RIT2: variants seen among roughly 807,000 people sequenced by gnomAD.
The protein encoded by RIT2 is Ras like without CAAX 2.
Under a neutral mutation model 23.7 loss-of-function variants are expected in RIT2, and 24 were observed. The ratio of observed to expected loss-of-function variants is 1.01; its 90% confidence interval spans 0.73 to 1.43. RIT2 has a LOEUF of 1.43. RIT2 is among the 40% of genes most tolerant of loss of function. RIT2 has a pLI of 0.00. For missense variants in RIT2, 236 were observed against 266.9 expected (o/e 0.88, Z 0.81); for synonymous variants, 107 against 91.1 (o/e 1.17, Z -0.99).
chr18:42,941,349 GC>G (rs1290402761), intron 3 of RIT2, among the ~76,000 whole-genome samples: 1 of 151,820 alleles, frequency 6.6e-6, no homozygotes, highest in Non-Finnish European at 1.5e-5. Flanking sequence ...CCTGCTGACC[GC>G]CCCCCACCCC....
intron 4 of RIT2, among the ~76,000 whole-genome samples, chr18:42,805,553 T>C (rs1008451243): frequency 1.1e-4 from 17 of 152,230 alleles, no homozygotes; most frequent in African/African-American, 2.7e-4. Flanking sequence ...AATTTATTTT[T>C]CTAGATTGCA....
intron 1 of RIT2, among the ~76,000 whole-genome samples, chr18:43,065,779 G>C (rs1912758199): frequency 6.6e-6 from 1 of 152,054 alleles, no homozygotes; most frequent in Non-Finnish European, 1.5e-5. Flanking sequence ...AGGTTTTATA[G>C]AGAATATAAC....
In RIT2 at chr18:42,795,621, G is replaced by C. The variant is rs529283443; in HGVS notation, c.427-51901C>G. ...CCTAAGGGCTGAGAACTGCGGGCGC[G>C]GCACGGGACTGGCAGGCAGCTCCAC... On this transcript the variant is annotated intron_variant, in intron 4 of 4. Transcript: ENST00000326695. Among the ~76,000 whole-genome samples the C allele has an allele frequency of 2.7e-3, 417 of 152,354 alleles. 5 individuals are homozygous for C. The highest frequency in any genetic ancestry group is 9.6e-3 in the African/African-American group (400 of 41,594).
intron 4 of RIT2, among the ~76,000 whole-genome samples, chr18:42,808,313 G>T (rs1029297474): frequency 6.6e-6 from 1 of 152,106 alleles, no homozygotes; most frequent in Non-Finnish European, 1.5e-5. Flanking sequence ...ACATCAAGAG[G>T]ATCTGGAAAA....
intron 4 of RIT2, among the ~76,000 whole-genome samples, chr18:42,859,272 G>A (rs1027058124): frequency 1.3e-5 from 2 of 152,044 alleles, no homozygotes; most frequent in African/African-American, 2.4e-5. Flanking sequence ...GATGTCTCGT[G>A]GTTTTGATTT....
chr18:43,084,752 G>A (rs1391211824), intron 1 of RIT2, among the ~76,000 whole-genome samples: 1 of 152,202 alleles, frequency 6.6e-6, no homozygotes, highest in Non-Finnish European at 1.5e-5. Context: ...ACTAGGGGAG[G>A]GATAGCATTA....
chr18:43,059,232 T>A (rs1912583868), intron 1 of RIT2, among the ~76,000 whole-genome samples: 1 of 152,128 alleles, frequency 6.6e-6, no homozygotes, highest in African/African-American at 2.4e-5. Flanking sequence ...ACCTCGTTTA[T>A]CCCCAAAATG....
At chr18:43,048,965 C>T (rs561924092) in intron 1 of RIT2, among the ~76,000 whole-genome samples, 1 of 152,260 alleles carries the variant, frequency 6.6e-6, no homozygotes, top group Admixed American at 6.5e-5. Context: ...ATTGTTTCAA[C>T]CACATGTTAG....
At chr18:42,861,542 C>T (rs989266510) in intron 4 of RIT2, among the ~76,000 whole-genome samples, 11 of 152,302 alleles carry the variant, frequency 7.2e-5, no homozygotes, top group African/African-American at 2.6e-4. Flanking sequence ...CTCTATGCCC[C>T]ATGGGAGGCA....
At chr18:43,068,186 A>C (rs950802842) in intron 1 of RIT2, among the ~76,000 whole-genome samples, 1 of 152,194 alleles carries the variant, frequency 6.6e-6, no homozygotes, top group Non-Finnish European at 1.5e-5. Context: ...GATTCTCTCC[A>C]AAGTTCTTTA....
intron 4 of RIT2, among the ~76,000 whole-genome samples, chr18:42,912,231 GAA>G (rs35260729): frequency 6.9e-6 from 1 of 145,216 alleles, no homozygotes. Flanking sequence ...ACCCATTCAT[GAA>G]AAAAAAAAAT....
intron 3 of RIT2, among the ~76,000 whole-genome samples, chr18:42,967,799 A>T (rs947933286): frequency 2.0e-5 from 3 of 151,260 alleles, no homozygotes; most frequent in Admixed American, 2.0e-4. Flanking sequence ...TATTATTATT[A>T]TACCTAGCTG....
intron 4 of RIT2, among the ~76,000 whole-genome samples, chr18:42,760,611 A>G (rs541196377): frequency 3.3e-4 from 50 of 152,338 alleles, no homozygotes; most frequent in African/African-American, 9.6e-4. Context: ...GCTGAAATCA[A>G]ACGGCCTGGG....
intron 4 of RIT2, among the ~76,000 whole-genome samples, chr18:42,773,489 T>G (rs542584101): frequency 1.3e-5 from 2 of 152,182 alleles, no homozygotes; most frequent in Non-Finnish European, 2.9e-5. Context: ...TGGACTTGAA[T>G]AGTTAGCCAG....
intron 4 of RIT2, among the ~76,000 whole-genome samples, chr18:42,883,198 G>T (rs77292089): frequency 0.013 from 1,980 of 152,108 alleles, 45 homozygotes; most frequent in African/African-American, 0.045. Flanking sequence ...GACCTGGTGT[G>T]CTAGCATATG....
chr18:42,756,957 A>G (rs1246057183), intron 4 of RIT2, among the ~76,000 whole-genome samples: 1 of 152,112 alleles, frequency 6.6e-6, no homozygotes, highest in Non-Finnish European at 1.5e-5. Flanking sequence ...AATAAATTAT[A>G]TAACTCTACA....
At chr18:42,994,549 G>C (rs552361789) in intron 2 of RIT2, among the ~76,000 whole-genome samples, 2 of 152,040 alleles carry the variant, frequency 1.3e-5, no homozygotes, top group South Asian at 2.1e-4. Context: ...TCCATTCCTC[G>C]AAGACAGCTT....
At chr18:43,021,545 C>T (rs1198534960) in intron 2 of RIT2, among the ~76,000 whole-genome samples, 1 of 152,006 alleles carries the variant, frequency 6.6e-6, no homozygotes, top group Non-Finnish European at 1.5e-5. Context: ...GTGATTTGAT[C>T]ATGGGGGTGG....
chr18:42,807,603 G>A (rs1905720350), intron 4 of RIT2, among the ~76,000 whole-genome samples: 1 of 152,136 alleles, frequency 6.6e-6, no homozygotes, highest in Non-Finnish European at 1.5e-5. Flanking sequence ...GGTGGCAAGA[G>A]CGAAACTCCG....
Sources: gnomAD v4.1 joint callset for allele counts (sites outside exome capture counted in the v4.1 genomes callset) on GRCh38, gnomAD v4.1.1 for gene constraint, MANE v1.5 for transcripts, NCBI Gene and HGNC (gene_info 2026-07-23, HGNC 2026-07-21) for gene names.